The following ANXA6 variants were observed in gnomAD, a reference collection of about 807,000 sequenced individuals.
ANXA6 encodes annexin A6.
In ANXA6, 71 loss-of-function variants were observed where a neutral mutation model predicts 95.4. That is an observed-to-expected ratio of 0.74 (90% CI 0.61 to 0.91). ANXA6 has a LOEUF of 0.91. ANXA6 is among the 40% of genes least tolerant of loss of function. The pLI is 0.00. For synonymous variants in ANXA6, 289 were observed against 315.9 expected (o/e 0.91, Z 0.90); for missense variants, 830 against 876.4 (o/e 0.95, Z 0.67).
chr5:151,152,453 T>C (rs150047939), intron 1 of ANXA6, among the ~76,000 whole-genome samples: 2 of 152,366 alleles, frequency 1.3e-5, no homozygotes, highest in East Asian at 3.9e-4. Context: ...GGAATTTCTC[T>C]GCCTCAGTTT....
intron 25 of ANXA6, among the ~76,000 whole-genome samples, chr5:151,101,749 C>A (rs1376994923): frequency 6.6e-6 from 1 of 152,192 alleles, no homozygotes; most frequent in Non-Finnish European, 1.5e-5. Context: ...TGGGATCTGA[C>A]CTGTGCAGAG....
intron 20 of ANXA6, among the ~76,000 whole-genome samples, chr5:151,114,108 AGTG>A (rs1764928134): frequency 6.6e-6 from 1 of 152,220 alleles, no homozygotes; most frequent in Non-Finnish European, 1.5e-5. Context: ...AAAGTAGATT[AGTG>A]GTTGCTTAGG....
chr5:151,154,295 G>GTATATATATATATA (rs58268342), intron 1 of ANXA6, among the ~76,000 whole-genome samples: 18 of 138,944 alleles, frequency 1.3e-4, no homozygotes, highest in Non-Finnish European at 2.8e-4. Flanking sequence ...GCAGTTTGCA[G>GTATATATATATATA]TATATATATA....
chr5:151,139,520 C>A, intron 3 of ANXA6, 73 bp from the exon 4 acceptor site: 1 of 1,044,190 alleles, frequency 9.6e-7, no homozygotes, highest in South Asian at 1.3e-5. Context: ...ACTTCCTTCC[C>A]TGGACACAGG....
intron 19 of ANXA6, 133 bp downstream of exon 19, chr5:151,117,625 G>T: frequency 1.3e-6 from 1 of 763,532 alleles, no homozygotes; most frequent in Non-Finnish European, 2.2e-6. Flanking sequence ...ACTCTAAGGA[G>T]GCAAGTGGGG....
At chr5:151,148,961 G>A (rs1740423532) in intron 1 of ANXA6, among the ~76,000 whole-genome samples, 1 of 151,788 alleles carries the variant, frequency 6.6e-6, no homozygotes, top group African/African-American at 2.4e-5. Context: ...GATAATTTGA[G>A]CCCAGGAGTT....
intron 20 of ANXA6, among the ~76,000 whole-genome samples, chr5:151,114,613 TAAAAAAAAAAAAAA>T (rs61407672): frequency 5.0e-4 from 35 of 70,322 alleles, no homozygotes; most frequent in African/African-American, 1.0e-3. Flanking sequence ...GACTCCGTCT[TAAAAAAAAAAAAAA>T]AAAAAAAAAA....
intron 4 of ANXA6, 53 bp from the exon 5 acceptor site, chr5:151,138,844 C>T (rs1163133000): frequency 1.6e-6 from 2 of 1,271,674 alleles, no homozygotes; most frequent in East Asian, 2.4e-5. Flanking sequence ...AGAGTAGTTA[C>T]AACGGTAAGA....
intron 20 of ANXA6, among the ~76,000 whole-genome samples, chr5:151,111,654 T>C (rs1301062641): frequency 6.6e-6 from 1 of 152,228 alleles, no homozygotes; most frequent in Admixed American, 6.5e-5. Flanking sequence ...ATTGGCACAA[T>C]CTCGGCTCAC....
intron 2 of ANXA6, among the ~76,000 whole-genome samples, chr5:151,144,427 G>A (rs901763368): frequency 6.6e-6 from 1 of 152,096 alleles, no homozygotes; most frequent in African/African-American, 2.4e-5. Flanking sequence ...GTGTGTGGGC[G>A]GTGACAAGTA....
intron 10 of ANXA6, among the ~76,000 whole-genome samples, chr5:151,132,027 C>T (rs2113932039): frequency 6.6e-6 from 1 of 152,286 alleles, no homozygotes; most frequent in Non-Finnish European, 1.5e-5. Flanking sequence ...CTCAGTACCC[C>T]CAACTCATTA....
intron 1 of ANXA6, among the ~76,000 whole-genome samples, chr5:151,150,292 T>C (rs1660030679): frequency 6.6e-6 from 1 of 152,188 alleles, no homozygotes; most frequent in African/African-American, 2.4e-5. Flanking sequence ...CATGTGACCG[T>C]GGGCTTATTG....
At chr5:151,104,109 C>T (rs923648337) in intron 24 of ANXA6, among the ~76,000 whole-genome samples, 2 of 152,150 alleles carry the variant, frequency 1.3e-5, no homozygotes, top group Admixed American at 1.3e-4. Context: ...CGGAGTGATG[C>T]ATTCACAGCC....
chr5:151,132,591 A>G lies in ANXA6; in HGVS notation c.641-20T>C. The G allele has an allele frequency of 2.5e-6, 4 of 1,605,562 alleles. No homozygotes were observed. Among genetic ancestry groups the G allele is most frequent in the South Asian group, 2.2e-5 (2 of 89,546 alleles). ...CGAACACTGCGTCAGACAGAGAGAC[A>G]GGGAGGTTTGAGAGTGCCTCTGTAC... On this transcript the variant is annotated intron_variant, in intron 9 of 25. Coordinates refer to ENST00000354546, the MANE Select transcript of ANXA6 (RefSeq NM_001155.5).
intron 20 of ANXA6, among the ~76,000 whole-genome samples, chr5:151,113,106 C>A (rs899426199): frequency 4.9e-4 from 74 of 152,108 alleles, no homozygotes; most frequent in Non-Finnish European, 2.9e-5. Flanking sequence ...GAACTGTATA[C>A]TTTAAAATGA....
chr5:151,122,862 T>C, intron 16 of ANXA6, 55 bp downstream of exon 16: 1 of 1,516,960 alleles, frequency 6.6e-7, no homozygotes, highest in Non-Finnish European at 9.1e-7. Flanking sequence ...CAGGCTGAGC[T>C]CAATCAGGCA....
chr5:151,131,343 G>A (rs1765507630), intron 10 of ANXA6, 54 bp from the exon 11 acceptor site: 6 of 1,569,278 alleles, frequency 3.8e-6, no homozygotes, highest in Admixed American at 1.7e-5. Flanking sequence ...GAAGGGGGAT[G>A]GGATGGCCTG....
At chr5:151,118,712 G>A (rs1765077118) in intron 18 of ANXA6, among the ~76,000 whole-genome samples, 1 of 151,688 alleles carries the variant, frequency 6.6e-6, no homozygotes, top group Non-Finnish European at 1.5e-5. Context: ...GGATTACAGG[G>A]GTGAACCACC....
At chr5:151,105,349 T>G in intron 23 of ANXA6, 46 bp from the exon 24 acceptor site, 1 of 1,575,808 alleles carries the variant, frequency 6.3e-7, no homozygotes, top group Non-Finnish European at 8.7e-7. Context: ...TCAGAGGCTG[T>G]GAACCCAGAC....
Sources: allele counts gnomAD v4.1 joint callset (sites outside exome capture counted in the v4.1 genomes callset), GRCh38; gene constraint gnomAD v4.1.1; transcripts MANE v1.5; gene names NCBI Gene and HGNC (gene_info 2026-07-23, HGNC 2026-07-21).